The following HGS variants were observed in gnomAD, a reference collection of about 807,000 sequenced individuals.
HGS encodes human growth factor-regulated tyrosine kinase substrate.
Under a neutral mutation model 109.7 loss-of-function variants are expected in HGS, and 63 were observed. That is an observed-to-expected ratio of 0.57 (90% CI 0.47 to 0.71). The LOEUF (loss-of-function observed/expected upper bound fraction) is 0.71, where lower values mean the gene tolerates loss of function less well. Ranked by LOEUF, HGS falls within the 30% of genes least tolerant of loss-of-function variation. The pLI is 0.00. For synonymous variants in HGS, 546 were observed against 437.3 expected (o/e 1.25, Z -3.10); for missense variants, 995 against 1,068.3 (o/e 0.93, Z 0.96).
chr17:81,684,984 C>G, intron 1 of HGS: 1 of 985,334 alleles, frequency 1.0e-6, no homozygotes, highest in Non-Finnish European at 1.2e-6. Context: ...GTTTCTGTAT[C>G]CGGGAAAGGC....
intron 14 of HGS, 38 bp from the exon 15 acceptor site, chr17:81,695,748 C>T (rs1338877204): frequency 3.1e-6 from 5 of 1,597,344 alleles, no homozygotes; most frequent in East Asian, 2.2e-5. Flanking sequence ...CTGGCTGGGG[C>T]GTGGCCGCAC....
At position 81,691,858 on chromosome 17, in the gene HGS, G is replaced by A. The variant is rs925850224; in HGVS notation, c.662+287G>A. 2.2e-5 allele frequency: 7 copies of A among 325,388 alleles called. No homozygotes were observed. Among genetic ancestry groups the A allele is most frequent in the East Asian group, 1.7e-4 (3 of 17,910 alleles). 20.2% of individuals were successfully genotyped at this position (325,388 alleles called of 1,614,324 possible). ...TGGGTTTGTTTGCATTTCAACTTTC[G>A]GAATAAAACTTACAGAAAAGTTGCA... is the stretch of plus-strand genomic sequence containing the variant. On this transcript the variant is annotated intron_variant, in intron 8 of 21. Transcript: ENST00000329138. This position sits in a 1 kb window ranked among gnomAD's most constrained non-coding sequence, Gnocchi z 5.3.
chr17:81,686,162 CT>C, intron 2 of HGS, 149 bp from the exon 3 acceptor site: 1 of 649,756 alleles, frequency 1.5e-6, no homozygotes, highest in Non-Finnish European at 2.7e-6. Context: ...GACTCCTGGG[CT>C]CAAGCAATCC....
chr17:81,696,361 C>T lies in HGS; in HGVS notation c.1398C>T (p.Tyr466=), dbSNP rs143892793. ...TGCTCTGTCATCTGCCCACAGTGTA[C>T]TATGAGGGGCTGCAGGACAAGCTGG... The part of the protein sequence containing the change: ...LLNQLDERRL[Y]YEGLQDKLAQ... Residue 466 remains tyrosine (Y), a synonymous_variant, in exon 16 of 22, where the codon TAC becomes TAT. Coordinates refer to ENST00000329138, the MANE Select transcript of HGS (RefSeq NM_004712.5). 246 of 1,581,534 alleles carry T rather than the reference C, an allele frequency of 1.6e-4. No individual in the cohort carries two copies. In the African/African-American group the frequency reaches 3.0e-3, roughly 20 times the overall value.
rs753942599 is a variant in HGS at position 81,695,829 on chromosome 17, T to G, written c.1223T>G (p.Phe408Cys). ...NGESEESHEQ[F>C]LKALQNAVTT... The stretch of plus-strand genomic sequence containing the variant: ...GAGTCTGAGGAGAGCCACGAGCAGT[T>G]CCTGAAGGCGCTGCAGAACGCCGTC... The change falls in exon 15 of 22, where the codon TTC becomes TGC. Residue 408 changes from phenylalanine (F) to cysteine (C), a missense_variant. Phe to Cys is a radical substitution (Grantham distance 205). Around this residue, in one of 6 missense-constraint regions of HGS, gnomAD observed 300 missense variants for 235.4 expected, o/e 1.27. Coordinates refer to ENST00000329138, the MANE Select transcript of HGS (RefSeq NM_004712.5). The G allele has an allele frequency of 6.2e-7, 1 of 1,613,452 alleles. No individual in the cohort carries two copies. Among genetic ancestry groups the G allele is most frequent in the East Asian group, 2.2e-5 (1 of 44,862 alleles).
intron 2 of HGS, 78 bp downstream of exon 2, chr17:81,685,767 C>T (rs1321528088): frequency 9.3e-7 from 1 of 1,080,628 alleles, no homozygotes. Context: ...CCCGTTGGGT[C>T]TCCACGACGT....
At position 81,701,228 on chromosome 17, in the gene HGS, G is replaced by A. The variant is rs765545514; in HGVS notation, c.2223+97G>A. ...CCCTGGCCCCAGTGGGGATTGTCCC[G>A]TACGTCTGCTCACAGGGGGAGACGC... On this transcript the variant is annotated intron_variant, in intron 21 of 21. Coordinates refer to ENST00000329138, the MANE Select transcript of HGS (RefSeq NM_004712.5). 66 of 1,125,414 alleles carry A rather than the reference G, an allele frequency of 5.9e-5. 1 individual carries two copies. In the South Asian group the frequency reaches 6.1e-4, roughly 10 times the overall value. 69.7% of individuals were successfully genotyped at this position (1,125,414 alleles called of 1,614,324 possible). A position where few individuals can be genotyped will look rare whatever the true frequency, so the allele number is the denominator to read the frequency against.
chr17:81,688,336 C>T (rs1313636002), intron 4 of HGS, among the ~76,000 whole-genome samples: 2 of 152,240 alleles, frequency 1.3e-5, no homozygotes, highest in East Asian at 3.8e-4. Context: ...CCCCGCAGTA[C>T]CCCTGTGTTC....
At chr17:81,700,892 G>C (rs748238051) in intron 20 of HGS, 78 bp downstream of exon 20, 5 of 1,568,472 alleles carry the variant, frequency 3.2e-6, no homozygotes, top group Non-Finnish European at 4.4e-6. Context: ...TGGTGAGGCT[G>C]GCAGGCACTG....
intron 8 of HGS, 97 bp from the exon 9 acceptor site, chr17:81,693,406 G>C: frequency 1.2e-6 from 1 of 858,916 alleles, no homozygotes; most frequent in Non-Finnish European, 1.9e-6. Context: ...ACTCTGTGGG[G>C]ACACTTAGAG....
chr17:81,697,852 CTCTT>C (rs1409197035), intron 18 of HGS: 1 of 152,140 alleles, frequency 6.6e-6, no homozygotes, highest in Non-Finnish European at 1.5e-5. Flanking sequence ...TCTGTCATCA[CTCTT>C]TATTTTTAGA....
chr17:81,686,924 G>GC (rs2036988402), intron 3 of HGS, 79 bp from the exon 4 acceptor site: 1 of 1,158,580 alleles, frequency 8.6e-7, no homozygotes, highest in Non-Finnish European at 1.3e-6. Flanking sequence ...CTGTCCCACA[G>GC]GGAGGTGGGT....
At chr17:81,685,748 C>T (rs1363763583) in intron 2 of HGS, 59 bp downstream of exon 2, 67 of 1,357,328 alleles carry the variant, frequency 4.9e-5, no homozygotes, top group East Asian at 7.0e-5. Flanking sequence ...AAGCTGGGCT[C>T]GCTTGGTGCC....
At position 81,690,338 on chromosome 17, in the gene HGS, C is replaced by T. The variant is rs971686902; in HGVS notation, c.468+104C>T. ...GTTTGAGGGTTGGTGGCTGAGCTCT[C>T]GTCTGTCTGGGACCTGAGGATGCCT... On this transcript the variant is annotated intron_variant, in intron 6 of 21. Transcript: ENST00000329138. 27 of 1,207,056 alleles carry T rather than the reference C, an allele frequency of 2.2e-5. No homozygotes were observed. The East Asian group carries it at 4.7e-4, about 21-fold the overall frequency. The allele number at this position is 1,207,056 out of a possible 1,614,324, so 74.8% of individuals were successfully genotyped here. A position where few individuals can be genotyped will look rare whatever the true frequency, so the allele number is the denominator to read the frequency against.
intron 18 of HGS, 80 bp from the exon 19 acceptor site, chr17:81,700,382 AAAAGT>A (rs1303831116): frequency 7.1e-7 from 1 of 1,409,988 alleles, no homozygotes; most frequent in African/African-American, 1.5e-5. Context: ...AAAAAAAAAA[AAAAGT>A]AAAACTCAAG....
chr17:81,696,769 C>T, intron 17 of HGS, 22 bp downstream of exon 17: 1 of 1,603,052 alleles, frequency 6.2e-7, no homozygotes, highest in South Asian at 1.1e-5. Context: ...CCTCCCGCCA[C>T]CCAGAGGCTT....
At position 81,696,548 on chromosome 17, in the gene HGS, C is replaced by T; in HGVS notation, c.1566+19C>T. 1 of 1,539,472 alleles carries T rather than the reference C, an allele frequency of 6.5e-7. No homozygotes were observed. The highest frequency in any genetic ancestry group is 8.8e-7 in the Non-Finnish European group (1 of 1,140,138). On this transcript the variant is annotated intron_variant, in intron 16 of 21. Transcript: ENST00000329138. ...GAAGCAGGTGCAGTGGCTGCCCAGC[C>T]ACAGGCCGGGGCCGGCTGGGGGACC...
In HGS at chr17:81,695,210, G is replaced by C; in HGVS notation, c.1166G>C (p.Gly389Ala). ...TDSQPIPPSG[G>A]PFSEPQFHNG... ...TCTCAGCCCATTCCTCCCTCTGGTG[G>C]CCCCTTTAGTGAGGTAAGCTGTGGC... The change falls in exon 14 of 22, where the codon GGC becomes GCC. Residue 389 changes from glycine (G) to alanine (A), a missense_variant. This residue lies in a region of HGS where 300 missense variants were observed against 235.4 expected (regional missense o/e 1.27). Coordinates refer to ENST00000329138, the MANE Select transcript of HGS (RefSeq NM_004712.5). 1 of 1,614,150 alleles carries C rather than the reference G, an allele frequency of 6.2e-7. No homozygotes were observed. The highest frequency in any genetic ancestry group is 8.5e-7 in the Non-Finnish European group (1 of 1,179,994).
rs917329787 is a variant in HGS at position 81,700,340 on chromosome 17, G to C, written c.1883-127G>C. 4 of 987,804 alleles carry C rather than the reference G, an allele frequency of 4.0e-6. No individual in the cohort carries two copies. The African/African-American group carries it at 5.0e-5, about 12-fold the overall frequency. 61.2% of individuals were successfully genotyped at this position (987,804 alleles called of 1,614,324 possible). A position where few individuals can be genotyped will look rare whatever the true frequency, so the allele number is the denominator to read the frequency against. The stretch of plus-strand genomic sequence containing the variant: ...GCCAGGATTGTGCCACTGCACTCCA[G>C]CCTGGTGACAGAGCAGGACTCCATC... On this transcript the variant is annotated intron_variant, in intron 18 of 21. Transcript: ENST00000329138.
Sources: gnomAD v4.1 joint callset for allele counts (sites outside exome capture counted in the v4.1 genomes callset) on GRCh38, gnomAD v4.1.1 for gene constraint, gnomAD v4.1.1 regional missense constraint, Gnocchi (gnomAD v3.1) non-coding constraint, MANE v1.5 for transcripts, NCBI Gene and HGNC (gene_info 2026-07-23, HGNC 2026-07-21) for gene names.